Variants in CISD1 observed in about 807,000 individuals in gnomAD.
CISD1 encodes CDGSH iron sulfur domain 1.
In CISD1, 8 loss-of-function variants were observed where a neutral mutation model predicts 12.0. The ratio of observed to expected loss-of-function variants is 0.67; its 90% CI spans 0.39 to 1.20. The LOEUF (loss-of-function observed/expected upper bound fraction) is 1.20, where lower values mean the gene tolerates loss of function less well. CISD1 is among the 50% of genes most tolerant of loss of function. CISD1 has a pLI of 0.01. For synonymous variants in CISD1, 38 were observed against 42.2 expected (o/e 0.90, Z 0.39); for missense variants, 107 against 132.7 (o/e 0.81, Z 0.95).
intron 1 of CISD1, among the ~76,000 whole-genome samples, chr10:58,271,395 A>T (rs1839247935): frequency 6.6e-6 from 1 of 152,138 alleles, no homozygotes; most frequent in East Asian, 1.9e-4. Flanking sequence ...CTGTAGGGAG[A>T]GGCCCAAAGC....
chr10:58,274,376 C>T (rs964019190), intron 1 of CISD1, among the ~76,000 whole-genome samples: 4 of 150,824 alleles, frequency 2.7e-5, no homozygotes, highest in Non-Finnish European at 5.9e-5. Flanking sequence ...CCAGTGGCAT[C>T]CACAGCTTTT....
At chr10:58,280,145 A>G (rs529010839) in intron 2 of CISD1, among the ~76,000 whole-genome samples, 3 of 152,360 alleles carry the variant, frequency 2.0e-5, no homozygotes, top group South Asian at 2.1e-4. Flanking sequence ...GGTGAAATGA[A>G]TAAAGAATCT....
At chr10:58,282,963 A>G (rs1488107186) in intron 2 of CISD1, 1 of 152,242 alleles carries the variant, frequency 6.6e-6, no homozygotes. Flanking sequence ...CAAGGACAGC[A>G]AAAGAATACA....
chr10:58,269,388 G>GC, intron 1 of CISD1, 84 bp downstream of exon 1: 2 of 1,231,388 alleles, frequency 1.6e-6, no homozygotes, highest in South Asian at 1.3e-5. Context: ...TTTTACCACT[G>GC]CCCTACGCGC....
At chr10:58,270,153 G>A (rs941701367) in intron 1 of CISD1, among the ~76,000 whole-genome samples, 1 of 152,088 alleles carries the variant, frequency 6.6e-6, no homozygotes, top group African/African-American at 2.4e-5. Context: ...CTGTCTAGAG[G>A]TTAATTAAAA....
chr10:58,279,056 A>G (rs1250332640), intron 2 of CISD1, among the ~76,000 whole-genome samples: 1 of 152,258 alleles, frequency 6.6e-6, no homozygotes, highest in Admixed American at 6.5e-5. Flanking sequence ...GCTTATCAGT[A>G]GCATATAAAT....
intron 2 of CISD1, among the ~76,000 whole-genome samples, chr10:58,285,912 A>G (rs889159984): frequency 1.1e-4 from 16 of 152,206 alleles, no homozygotes; most frequent in African/African-American, 3.1e-4. Context: ...ATAAAGTTTA[A>G]TAAAGTTAAC....
chr10:58,277,756 AAAG>A (rs143430807), intron 2 of CISD1, among the ~76,000 whole-genome samples: 51,164 of 151,718 alleles, frequency 0.34, 10,819 homozygotes, highest in African/African-American at 0.61. Context: ...TGGCCAAAGA[AAAG>A]AAGAAAATCC....
Position 58,269,217 on chromosome 10 carries a change from G to A in CISD1, c.-57G>A, listed in dbSNP as rs1006184857. The A allele has an allele frequency of 2.0e-5, 32 of 1,583,184 alleles. No individual in the cohort carries two copies. Among genetic ancestry groups the A allele is most frequent in the Non-Finnish European group, 2.7e-5 (31 of 1,162,422 alleles). On this transcript the variant is annotated 5_prime_UTR_variant, in exon 1 of 3. Transcript: ENST00000333926. Reference sequence around the variant, plus strand: ...GCTGGCACCTTTACTCTCGCCGGCCGCGCGAACCCGTTTGAGCTCGGTATC... The same window carrying A: ...GCTGGCACCTTTACTCTCGCCGGCCACGCGAACCCGTTTGAGCTCGGTATC...
intron 1 of CISD1, among the ~76,000 whole-genome samples, 155 bp downstream of exon 1, chr10:58,269,459 G>C (rs1262788090): frequency 1.3e-5 from 2 of 152,204 alleles, no homozygotes; most frequent in African/African-American, 4.8e-5. Flanking sequence ...TGCGGGCTCC[G>C]GGCCGGACAG....
chr10:58,286,547 C>T (rs372074833), intron 2 of CISD1, among the ~76,000 whole-genome samples: 14 of 152,140 alleles, frequency 9.2e-5, no homozygotes, highest in African/African-American at 3.1e-4. Context: ...TTTTTTATAG[C>T]AAAATTAAAA....
intron 2 of CISD1, among the ~76,000 whole-genome samples, chr10:58,279,965 C>T (rs1327468677): frequency 6.6e-6 from 1 of 152,132 alleles, no homozygotes; most frequent in Non-Finnish European, 1.5e-5. Context: ...GACCCAGTCT[C>T]TGTTTTTTGT....
intron 2 of CISD1, among the ~76,000 whole-genome samples, chr10:58,283,328 T>C (rs1437924712): frequency 1.3e-5 from 2 of 152,324 alleles, no homozygotes; most frequent in East Asian, 3.9e-4. Context: ...CATTTTCATA[T>C]TATAGCTACT....
At chr10:58,277,718 C>G (rs147988983) in intron 2 of CISD1, among the ~76,000 whole-genome samples, 1 of 151,142 alleles carries the variant, frequency 6.6e-6, no homozygotes, top group Non-Finnish European at 1.5e-5. Context: ...GTACCCTCAT[C>G]GAGTTCAGGC....
intron 2 of CISD1, among the ~76,000 whole-genome samples, chr10:58,279,081 G>A (rs1839346786): frequency 6.6e-6 from 1 of 152,208 alleles, no homozygotes; most frequent in Admixed American, 6.5e-5. Context: ...AGTCGGGAAT[G>A]ATGGTGATAC....
At chr10:58,273,210 G>A (rs1839269162) in intron 1 of CISD1, among the ~76,000 whole-genome samples, 1 of 152,008 alleles carries the variant, frequency 6.6e-6, no homozygotes, top group Non-Finnish European at 1.5e-5. Context: ...GCAGTGTAAG[G>A]ATAGAAAAAT....
At chr10:58,280,174 C>A (rs916932435) in intron 2 of CISD1, among the ~76,000 whole-genome samples, 1 of 152,148 alleles carries the variant, frequency 6.6e-6, no homozygotes, top group African/African-American at 2.4e-5. Context: ...TCTTGTACTG[C>A]CCTTCCCCAA....
rs1176367763 is a variant in CISD1 at position 58,288,516 on chromosome 10, C to T, written c.*866C>T. 1 of 151,830 alleles carries T rather than the reference C, an allele frequency of 6.6e-6. No individual in the cohort carries two copies. Among genetic ancestry groups the T allele is most frequent in the Non-Finnish European group, 1.5e-5 (1 of 67,904 alleles). The allele number at this position is 151,830 out of a possible 1,614,324, so 9.4% of individuals were successfully genotyped here. Reference sequence around the variant, plus strand: ...AGTAGTCACAAGATTAGATCAAAGGCGTGGGAAGATTTTTTTTTTTCCCAC... The same window carrying T: ...AGTAGTCACAAGATTAGATCAAAGGTGTGGGAAGATTTTTTTTTTTCCCAC... On this transcript the variant is annotated 3_prime_UTR_variant, in exon 3 of 3. Coordinates refer to ENST00000333926, the MANE Select transcript of CISD1 (RefSeq NM_018464.5).
At position 58,269,190 on chromosome 10, in the gene CISD1, C is replaced by A; in HGVS notation, c.-84C>A. On this transcript the variant is annotated 5_prime_UTR_variant, in exon 1 of 3. Transcript: ENST00000333926. ...ATCGCGGAGTCGGTGCTTTAGTACG[C>A]CGCTGGCACCTTTACTCTCGCCGGC... The A allele has an allele frequency of 6.9e-7, 1 of 1,448,352 alleles. No homozygotes were observed. The highest frequency in any genetic ancestry group is 9.6e-7 in the Non-Finnish European group (1 of 1,043,600). The allele number at this position is 1,448,352 out of a possible 1,614,324, so 89.7% of individuals were successfully genotyped here. A position where few individuals can be genotyped will look rare whatever the true frequency, so the allele number is the denominator to read the frequency against.
Sources: gnomAD v4.1 joint callset for allele counts (sites outside exome capture counted in the v4.1 genomes callset) on GRCh38, gnomAD v4.1.1 for gene constraint, MANE v1.5 for transcripts, NCBI Gene and HGNC (gene_info 2026-07-23, HGNC 2026-07-21) for gene names.